The following PRKG1 variants were observed in gnomAD, a reference collection of about 807,000 sequenced individuals.
PRKG1 encodes the protein protein kinase cGMP-dependent 1.
PRKG1 carries 35 observed loss-of-function variants against 88.1 expected under a neutral mutation model. The observed-to-expected ratio is 0.40, with a 90% CI of 0.30 to 0.53. The LOEUF (loss-of-function observed/expected upper bound fraction) is 0.53. Ranked by LOEUF, PRKG1 falls within the 20% of genes least tolerant of loss-of-function variation. The pLI is 0.59. For synonymous variants in PRKG1, 303 were observed against 292.5 expected (o/e 1.04, Z -0.37); for missense variants, 540 against 839.8 (o/e 0.64, Z 4.41).
intron 1 of PRKG1, among the ~76,000 whole-genome samples, chr10:51,014,419 G>A (rs186234913): frequency 1.2e-3 from 179 of 151,240 alleles, no homozygotes; most frequent in Non-Finnish European, 2.4e-4. Flanking sequence ...AATCAGAGTT[G>A]TCTTTGATGG....
chr10:51,417,556 A>G (rs1005168934), intron 2 of PRKG1, among the ~76,000 whole-genome samples: 3 of 152,338 alleles, frequency 2.0e-5, no homozygotes, highest in Admixed American at 1.3e-4. Flanking sequence ...TCATAAAATG[A>G]TAAAGCAAAC....
intron 9 of PRKG1, among the ~76,000 whole-genome samples, chr10:52,196,888 A>T (rs1021365884): frequency 6.6e-5 from 10 of 152,192 alleles, no homozygotes; most frequent in Non-Finnish European, 4.4e-5. Flanking sequence ...TATACTAATT[A>T]TGATATAGAC....
chr10:52,293,366 C>T (rs972128206), intron 17 of PRKG1, among the ~76,000 whole-genome samples: 7 of 151,572 alleles, frequency 4.6e-5, no homozygotes, highest in Non-Finnish European at 7.4e-5. Flanking sequence ...AATGCCATCC[C>T]CATCAAGCTA....
chr10:52,001,291 C>G (rs1400128556), intron 5 of PRKG1, among the ~76,000 whole-genome samples: 1 of 151,416 alleles, frequency 6.6e-6, no homozygotes, highest in Non-Finnish European at 1.5e-5. Context: ...ACCTAATGTA[C>G]AACATGGTGA....
At chr10:52,240,559 C>T (rs995187638) in intron 9 of PRKG1, among the ~76,000 whole-genome samples, 1 of 152,070 alleles carries the variant, frequency 6.6e-6, no homozygotes, top group African/African-American at 2.4e-5. Context: ...TATTGATACA[C>T]CATTCAGTTT....
intron 2 of PRKG1, among the ~76,000 whole-genome samples, chr10:51,173,411 A>T (rs973159844): frequency 6.7e-6 from 1 of 149,874 alleles, no homozygotes; most frequent in African/African-American, 2.5e-5. Flanking sequence ...AGAGTTGGGC[A>T]GTGTGTGTGT....
chr10:51,642,893 A>T (rs922868159), intron 3 of PRKG1, among the ~76,000 whole-genome samples: 1 of 152,172 alleles, frequency 6.6e-6, no homozygotes, highest in Non-Finnish European at 1.5e-5. Flanking sequence ...TTCAATCCAA[A>T]TTGCATTTTG....
chr10:52,244,898 AT>A (rs1255110442), intron 9 of PRKG1, among the ~76,000 whole-genome samples: 1 of 50,772 alleles, frequency 2.0e-5, no homozygotes, highest in African/African-American at 4.3e-5. Context: ...TACTTTTTTA[AT>A]AAACTTTTTA....
intron 3 of PRKG1, among the ~76,000 whole-genome samples, chr10:51,689,239 ACTATCTATCTAT>A (rs1164074395): frequency 4.0e-5 from 6 of 150,220 alleles, no homozygotes; most frequent in Admixed American, 2.7e-4. Flanking sequence ...AAATCTATCT[ACTATCTATCTAT>A]CTATCTATCT....
chr10:51,407,089 C>T lies in PRKG1; in HGVS notation c.479-60634C>T, dbSNP rs116380088. Among the ~76,000 whole-genome samples the T allele has an allele frequency of 3.0e-3, 455 of 152,252 alleles. 1 individual carries two copies. Among genetic ancestry groups the T allele is most frequent in the African/African-American group, 0.011 (437 of 41,538 alleles). On this transcript the variant is annotated intron_variant, in intron 2 of 17. Transcript: ENST00000373980. ...TGGCAGCTGATTAAATGATGCCCAC[C>T]GGGATTAAGTGTGGGCCTCCCTTGC...
At chr10:51,891,713 G>A (rs1439735199) in intron 4 of PRKG1, among the ~76,000 whole-genome samples, 3 of 152,100 alleles carry the variant, frequency 2.0e-5, no homozygotes, top group Admixed American at 6.6e-5. Context: ...GGTCTTTGTC[G>A]CAACGCAACT....
intron 1 of PRKG1, among the ~76,000 whole-genome samples, chr10:51,114,368 G>C (rs1289244770): frequency 2.0e-5 from 3 of 151,642 alleles, no homozygotes; most frequent in Admixed American, 1.3e-4. Flanking sequence ...TTCCAACTCT[G>C]TGATTTCCTA....
intron 9 of PRKG1, among the ~76,000 whole-genome samples, chr10:52,178,126 G>T (rs1838914954): frequency 6.6e-6 from 1 of 151,420 alleles, no homozygotes; most frequent in Non-Finnish European, 1.5e-5. Context: ...TTTGATATAG[G>T]CATTTCTTGC....
At chr10:52,125,886 C>A (rs1240473752) in intron 7 of PRKG1, 3 of 152,086 alleles carry the variant, frequency 2.0e-5, no homozygotes, top group African/African-American at 7.2e-5. Context: ...TACTCTTGCA[C>A]TTTGGGACAG....
At position 51,578,980 on chromosome 10, in the gene PRKG1, G is replaced by GTTTTTTTTTTTTTTTTTTTTTTT. The variant is rs752412264; in HGVS notation, c.592+111150_592+111172dup. On this transcript the variant is annotated intron_variant, in intron 3 of 17. Transcript: ENST00000373980. ...GAAGAGTTTGGAATAAGTTCTGTTG[G>GTTTTTTTTTTTTTTTTTTTTTTT]TTTTTTTTTTTTTTTTTTTTTTTTT... is the stretch of plus-strand genomic sequence containing the variant. Among the ~76,000 whole-genome samples the GTTTTTTTTTTTTTTTTTTTTTTT allele has an allele frequency of 1.8e-4, 14 of 77,830 alleles. 3 individuals are homozygous for GTTTTTTTTTTTTTTTTTTTTTTT. The highest frequency in any genetic ancestry group is 0.01 in the Middle Eastern group (1 of 96). The allele number at this position is 77,830 out of a possible 152,430, so 51.1% of individuals were successfully genotyped here. A position where few individuals can be genotyped will look rare whatever the true frequency, so the allele number is the denominator to read the frequency against.
At chr10:51,023,927 C>A (rs889410325) in intron 1 of PRKG1, among the ~76,000 whole-genome samples, 9 of 152,152 alleles carry the variant, frequency 5.9e-5, no homozygotes, top group African/African-American at 2.2e-4. Flanking sequence ...GATTTCCAGG[C>A]AAATATTGCA....
chr10:51,612,088 A>G (rs539334704), intron 3 of PRKG1, among the ~76,000 whole-genome samples: 66 of 152,020 alleles, frequency 4.3e-4, no homozygotes, highest in Non-Finnish European at 5.9e-4. Flanking sequence ...TCAGCTTTGC[A>G]CTTTTTACTT....
intron 1 of PRKG1, among the ~76,000 whole-genome samples, chr10:51,018,677 T>G (rs1843098555): frequency 6.6e-6 from 1 of 152,176 alleles, no homozygotes; most frequent in South Asian, 2.1e-4. Flanking sequence ...CTACAAACTT[T>G]TCTGAATATG....
At chr10:51,302,992 G>A (rs1254351988) in intron 2 of PRKG1, among the ~76,000 whole-genome samples, 1 of 152,128 alleles carries the variant, frequency 6.6e-6, no homozygotes, top group Non-Finnish European at 1.5e-5. Context: ...AGGATAGAGA[G>A]ATTAATTCCA....
Sources: allele counts gnomAD v4.1 joint callset (sites outside exome capture counted in the v4.1 genomes callset), GRCh38; gene constraint gnomAD v4.1.1; transcripts MANE v1.5; gene names NCBI Gene and HGNC (gene_info 2026-07-23, HGNC 2026-07-21).